The following SLC8A1 variants were observed in gnomAD, a reference collection of about 807,000 sequenced individuals.
The protein encoded by SLC8A1 is solute carrier family 8 member A1, also known as sodium/calcium exchanger 1.
A neutral mutation model predicts 68.3 loss-of-function variants in SLC8A1; 18 were observed. The observed-to-expected ratio is 0.26, with a 90% CI of 0.18 to 0.39. SLC8A1 has a LOEUF of 0.39. Ranked by LOEUF, SLC8A1 falls within the 10% of genes least tolerant of loss-of-function variation. SLC8A1 has a pLI of 1.00. For missense variants in SLC8A1, 985 were observed against 1,156.7 expected (o/e 0.85, Z 2.15); for synonymous variants, 475 against 415.5 (o/e 1.14, Z -1.74).
chr2:40,265,073 A>G (rs410259), intron 2 of SLC8A1, among the ~76,000 whole-genome samples: 132,042 of 152,204 alleles, frequency 0.87, 57,598 homozygotes, highest in African/African-American at 0.92. Context: ...CTTGGTGAAA[A>G]TCTTCAAGTC....
intron 2 of SLC8A1, among the ~76,000 whole-genome samples, chr2:40,315,169 C>T (rs998280140): frequency 5.9e-5 from 9 of 151,916 alleles, no homozygotes; most frequent in East Asian, 3.9e-4. Context: ...TCCCACTATT[C>T]CTAATATTTC....
At chr2:40,402,095 C>T (rs1348232781) in intron 2 of SLC8A1, among the ~76,000 whole-genome samples, 1 of 152,142 alleles carries the variant, frequency 6.6e-6, no homozygotes, top group Non-Finnish European at 1.5e-5. Flanking sequence ...CGATACAGGT[C>T]AAAGGCCTTG....
At chr2:40,181,838 C>G (rs554311241) in intron 2 of SLC8A1, among the ~76,000 whole-genome samples, 5 of 152,298 alleles carry the variant, frequency 3.3e-5, no homozygotes, top group African/African-American at 9.6e-5. Context: ...TAGGATGTCT[C>G]CTTTTCACCT....
intron 2 of SLC8A1, among the ~76,000 whole-genome samples, chr2:40,245,151 A>G (rs2061693414): frequency 6.6e-6 from 1 of 152,218 alleles, no homozygotes; most frequent in Admixed American, 6.5e-5. Context: ...TAAATTAGGA[A>G]TCATTCCCAC....
intron 2 of SLC8A1, among the ~76,000 whole-genome samples, chr2:40,217,302 T>A (rs1477382667): frequency 4.6e-5 from 7 of 152,182 alleles, no homozygotes; most frequent in African/African-American, 1.4e-4. Context: ...TGGTTGTAGA[T>A]GTGTGGTGTT....
intron 6 of SLC8A1, among the ~76,000 whole-genome samples, chr2:40,157,855 T>A (rs2044861130): frequency 6.6e-6 from 1 of 152,190 alleles, no homozygotes; most frequent in South Asian, 2.1e-4. Context: ...AATCTCTGGA[T>A]TCTCATAAAT....
intron 2 of SLC8A1, among the ~76,000 whole-genome samples, chr2:40,234,632 A>G (rs985654545): frequency 1.3e-5 from 2 of 152,160 alleles, no homozygotes; most frequent in East Asian, 3.9e-4. Context: ...ACTTCCAACA[A>G]TATGTTGAAT....
At chr2:40,314,793 T>G (rs2074222263) in intron 2 of SLC8A1, among the ~76,000 whole-genome samples, 1 of 152,068 alleles carries the variant, frequency 6.6e-6, no homozygotes, top group Admixed American at 6.6e-5. Flanking sequence ...CTAATATCAG[T>G]TTGCATTTGT....
chr2:40,482,127 CTTTT>C (rs1178648446), intron 1 of SLC8A1, among the ~76,000 whole-genome samples: 1 of 152,130 alleles, frequency 6.6e-6, no homozygotes, highest in African/African-American at 2.4e-5. Flanking sequence ...TCTTAACAAA[CTTTT>C]AAGCGTGCAA....
chr2:40,444,388 C>T (rs751506016), intron 1 of SLC8A1, among the ~76,000 whole-genome samples: 1 of 152,074 alleles, frequency 6.6e-6, no homozygotes, highest in East Asian at 1.9e-4. Context: ...CCCACCTTTC[C>T]CAGTAAGAAA....
chr2:40,319,017 T>A (rs924664252), intron 2 of SLC8A1, among the ~76,000 whole-genome samples: 5 of 151,990 alleles, frequency 3.3e-5, no homozygotes, highest in African/African-American at 1.2e-4. Flanking sequence ...AGCTTTCAAC[T>A]CCCAGGAAAC....
At chr2:40,407,388 T>C (rs1442486527) in intron 2 of SLC8A1, among the ~76,000 whole-genome samples, 1 of 152,158 alleles carries the variant, frequency 6.6e-6, no homozygotes, top group African/African-American at 2.4e-5. Context: ...CATGGACTGG[T>C]TCCTTGTCTG....
At chr2:40,106,339 G>C (rs2034197171) in exon 8 of SLC8A1, 1 of 152,140 alleles carries the variant, frequency 6.6e-6, no homozygotes, top group Non-Finnish European at 1.5e-5. Context: ...AGGAGTTCGA[G>C]ACCAACCTGG....
At chr2:40,266,296 C>G (rs1055783586) in intron 2 of SLC8A1, among the ~76,000 whole-genome samples, 2 of 152,138 alleles carry the variant, frequency 1.3e-5, no homozygotes, top group Non-Finnish European at 2.9e-5. Context: ...CAGGTCCAAT[C>G]ACATCTAAGG....
intron 2 of SLC8A1, among the ~76,000 whole-genome samples, chr2:40,399,335 CCT>C (rs1687978222): frequency 6.6e-6 from 1 of 152,072 alleles, no homozygotes; most frequent in African/African-American, 2.4e-5. Context: ...CCTCGTCTCC[CCT>C]TTTTCACATA....
intron 2 of SLC8A1, among the ~76,000 whole-genome samples, chr2:40,207,069 C>T (rs2055592993): frequency 6.6e-6 from 1 of 151,956 alleles, no homozygotes; most frequent in African/African-American, 2.4e-5. Context: ...AGACCAAAAA[C>T]ATCTCTGTAG....
At position 40,322,821 on chromosome 2, in the gene SLC8A1, A is replaced by AACAC. The variant is rs5830620; in HGVS notation, c.1808+105648_1808+105651dup. On this transcript the variant is annotated intron_variant, in intron 2 of 7. Coordinates refer to ENST00000406785, the Ensembl canonical transcript of SLC8A1. The stretch of plus-strand genomic sequence containing the variant: ...TAGTGCCTACCACCATTTATTGGGT[A>AACAC]ACACACACACACACACACACACACA... 2.4e-3 allele frequency among the ~76,000 whole-genome samples: 354 copies of AACAC among 147,714 alleles called. 2 individuals are homozygous for AACAC. Among genetic ancestry groups the AACAC allele is most frequent in the South Asian group, 6.5e-3 (30 of 4,618 alleles).
At chr2:40,471,680 C>T (rs1166708080) in intron 1 of SLC8A1, among the ~76,000 whole-genome samples, 1 of 152,162 alleles carries the variant, frequency 6.6e-6, no homozygotes, top group African/African-American at 2.4e-5. Flanking sequence ...ATACCCTATT[C>T]ATGTAACCCA....
At chr2:40,395,032 C>T (rs577740872) in intron 2 of SLC8A1, among the ~76,000 whole-genome samples, 1 of 152,244 alleles carries the variant, frequency 6.6e-6, no homozygotes, top group East Asian at 1.9e-4. Context: ...AACAAATTCA[C>T]CTACTGATTA....
Sources: gnomAD v4.1 joint callset for allele counts (sites outside exome capture counted in the v4.1 genomes callset) on GRCh38, gnomAD v4.1.1 for gene constraint, MANE v1.5 for transcripts, NCBI Gene and HGNC (gene_info 2026-07-23, HGNC 2026-07-21) for gene names.